The following ANK1 variants were observed in gnomAD, a reference collection of about 807,000 sequenced individuals.
ANK1 encodes the protein ankyrin 1.
A neutral mutation model predicts 210.4 loss-of-function variants in ANK1; 51 were observed. That is an observed-to-expected ratio of 0.24 (90% CI 0.19 to 0.31). The LOEUF is 0.31. Ranked by LOEUF, ANK1 falls within the 10% of genes least tolerant of loss-of-function variation. The pLI is 1.00. For missense variants in ANK1, 2,051 were observed against 2,504.4 expected (o/e 0.82, Z 3.86); for synonymous variants, 967 against 1,025.9 (o/e 0.94, Z 1.10).
At chr8:41,713,923 C>T (rs542756755) in intron 16 of ANK1, among the ~76,000 whole-genome samples, 12 of 152,182 alleles carry the variant, frequency 7.9e-5, no homozygotes, top group Non-Finnish European at 1.6e-4. Context: ...TCCGCCTCTG[C>T]GAGGTAACCC....
chr8:41,815,871 C>T (rs2150786076), intron 1 of ANK1, among the ~76,000 whole-genome samples: 1 of 152,182 alleles, frequency 6.6e-6, no homozygotes, highest in African/African-American at 2.4e-5. Flanking sequence ...TATATTTTGT[C>T]TCTATAAAAT....
chr8:41,869,885 T>C lies in ANK1; in HGVS notation c.126+26470A>G, dbSNP rs539950783. On this transcript the variant is annotated intron_variant, in intron 1 of 42. Coordinates refer to the ANK1 transcript ENST00000265709. The stretch of plus-strand genomic sequence containing the variant: ...ATCCAAAAGCTCAATTATTTTGCAA[T>C]AATGTTGGACTCTGAGTGCAATAAG... Among the ~76,000 whole-genome samples, 14 of 152,326 alleles carry C rather than the reference T, an allele frequency of 9.2e-5. No individual in the cohort carries two copies. In the East Asian group the frequency reaches 2.7e-3, roughly 29 times the overall value.
At chr8:41,730,380 G>A (rs1354853155) in intron 3 of ANK1, among the ~76,000 whole-genome samples, 2 of 152,148 alleles carry the variant, frequency 1.3e-5, no homozygotes, top group Non-Finnish European at 2.9e-5. Flanking sequence ...CAAGGCGGGA[G>A]GATTGCTTGA....
At chr8:41,860,734 G>C (rs1242030520) in intron 1 of ANK1, among the ~76,000 whole-genome samples, 1 of 152,206 alleles carries the variant, frequency 6.6e-6, no homozygotes, top group African/African-American at 2.4e-5. Flanking sequence ...AAAGCAATAA[G>C]TGAAGGACTT....
rs181246912 is a variant in ANK1 at position 41,755,015 on chromosome 8, C to T, written c.129+3021G>A. Among the ~76,000 whole-genome samples the T allele has an allele frequency of 1.1e-3, 174 of 152,366 alleles. 1 individual carries two copies. The highest frequency in any genetic ancestry group is 4.0e-3 in the African/African-American group (166 of 41,588). ...TGTCCTGTCTTTCGTTCCCTTCTGA[C>T]GCTCATTTCATAACTTGTGGCAGTG... On this transcript the variant is annotated intron_variant, in intron 2 of 42. Transcript: ENST00000289734.
At chr8:41,774,749 A>T (rs1843646712) in intron 1 of ANK1, among the ~76,000 whole-genome samples, 1 of 152,186 alleles carries the variant, frequency 6.6e-6, no homozygotes, top group East Asian at 1.9e-4. Flanking sequence ...ATCACCAAGC[A>T]CCCTGGCCCA....
At chr8:41,808,640 T>C (rs1851320508) in intron 1 of ANK1, among the ~76,000 whole-genome samples, 1 of 152,024 alleles carries the variant, frequency 6.6e-6, no homozygotes, top group African/African-American at 2.4e-5. Context: ...CACTCCAGCT[T>C]GGGTGACAGA....
intron 1 of ANK1, among the ~76,000 whole-genome samples, chr8:41,808,447 T>C (rs894874836): frequency 2.0e-5 from 3 of 152,054 alleles, no homozygotes; most frequent in African/African-American, 7.2e-5. Flanking sequence ...GGTGGATCAC[T>C]TGAGGTCAGG....
At chr8:41,811,312 C>G (rs1802448056) in intron 1 of ANK1, among the ~76,000 whole-genome samples, 1 of 152,174 alleles carries the variant, frequency 6.6e-6, no homozygotes, top group East Asian at 1.9e-4. Context: ...GTTATCTTGG[C>G]CTCCATTCCA....
intron 1 of ANK1, among the ~76,000 whole-genome samples, chr8:41,822,064 AAG>A (rs10605195): frequency 0.042 from 1,516 of 35,944 alleles, 8 homozygotes; most frequent in East Asian, 0.084. Flanking sequence ...GAAAGAAAGA[AAG>A]AGAGAGAGAG....
At chr8:41,844,541 G>A (rs774783008) in intron 1 of ANK1, among the ~76,000 whole-genome samples, 2 of 152,078 alleles carry the variant, frequency 1.3e-5, no homozygotes, top group South Asian at 2.1e-4. Flanking sequence ...ACTGCCACAG[G>A]GGGGCGGGCA....
At chr8:41,741,721 C>T (rs570252701) in intron 2 of ANK1, among the ~76,000 whole-genome samples, 18 of 152,316 alleles carry the variant, frequency 1.2e-4, no homozygotes, top group African/African-American at 3.4e-4. Flanking sequence ...GCCTTACTAC[C>T]TCAGGCAGGC....
chr8:41,828,708 G>C (rs1805974012), intron 1 of ANK1: 1 of 153,222 alleles, frequency 6.5e-6, no homozygotes, highest in African/African-American at 2.4e-5. Flanking sequence ...CGCTCGTAAT[G>C]AAACAGGAAC....
chr8:41,695,239 T>C lies in ANK1; in HGVS notation c.3053A>G (p.Lys1018Arg). 2.5e-6 allele frequency: 4 copies of C among 1,614,068 alleles called. No homozygotes were observed. The highest frequency in any genetic ancestry group is 2.7e-5 in the African/African-American group (2 of 75,042). The change falls in exon 27 of 43, where the codon AAG becomes AGG. Residue 1018 changes from lysine (K) to arginine (R), a missense_variant. Lys to Arg is a conservative substitution (Grantham distance 26). Coordinates refer to ENST00000289734, the MANE Select transcript of ANK1 (RefSeq NM_000037.4). ...VLRSENGSVW[K>R]EHRSRYGESY... Reference sequence around the variant, plus strand: ...CTCTCCATAGCGGCTCCTGTGCTCCTTCCACACGGAGCCGTTTTCGCTCCT... The same window carrying C: ...CTCTCCATAGCGGCTCCTGTGCTCCCTCCACACGGAGCCGTTTTCGCTCCT...
chr8:41,672,305 G>A (rs1378206931), intron 38 of ANK1, 49 bp downstream of exon 38: 1 of 1,594,810 alleles, frequency 6.3e-7, no homozygotes, highest in Non-Finnish European at 8.6e-7. Flanking sequence ...ATCTTACCCA[G>A]GAGCCCAGAA....
At chr8:41,774,942 A>T (rs906570110) in intron 1 of ANK1, among the ~76,000 whole-genome samples, 5 of 152,222 alleles carry the variant, frequency 3.3e-5, no homozygotes, top group South Asian at 2.1e-4. Flanking sequence ...CAGTGTTTCC[A>T]AACATTAGGG....
intron 5 of ANK1, 38 bp downstream of exon 5, chr8:41,727,212 G>A (rs926015081): frequency 3.9e-6 from 6 of 1,532,424 alleles, no homozygotes; most frequent in South Asian, 2.2e-5. Context: ...ACACCTGGGA[G>A]ACTTCTGGTG....
exon 1 of ANK1, chr8:41,896,678 C>G (rs1820578352): frequency 3.3e-6 from 2 of 603,340 alleles, no homozygotes; most frequent in East Asian, 5.4e-5. Flanking sequence ...GGCGGCTGCC[C>G]GCGGCCCGGG....
At chr8:41,675,653 G>A (rs1384380364) in intron 37 of ANK1, among the ~76,000 whole-genome samples, 2 of 152,046 alleles carry the variant, frequency 1.3e-5, no homozygotes, top group Non-Finnish European at 2.9e-5. Flanking sequence ...GATACGTTGT[G>A]ACACATGTGT....
Sources: gnomAD v4.1 joint callset for allele counts (sites outside exome capture counted in the v4.1 genomes callset) on GRCh38, gnomAD v4.1.1 for gene constraint, MANE v1.5 for transcripts, NCBI Gene and HGNC (gene_info 2026-07-23, HGNC 2026-07-21) for gene names.